Variants in TSPEAR observed in about 807,000 individuals in gnomAD.
TSPEAR encodes thrombospondin type laminin G domain and EAR repeats.
Under a neutral mutation model 71.6 loss-of-function variants are expected in TSPEAR, and 69 were observed. That is an observed-to-expected ratio of 0.96 (90% CI 0.79 to 1.18). The LOEUF (loss-of-function observed/expected upper bound fraction) is 1.18. TSPEAR is among the 50% of genes most tolerant of loss of function. The pLI is 0.00. For missense variants in TSPEAR, 971 were observed against 894.9 expected, an observed-to-expected ratio of 1.09 and a Z score of -1.09; for synonymous variants, 402 against 387.2, an observed-to-expected ratio of 1.04 and a Z score of -0.45.
chr21:44,502,219 A>G (rs1160794512), intron 11 of TSPEAR, among the ~76,000 whole-genome samples: 6 of 152,256 alleles, frequency 3.9e-5, no homozygotes, highest in African/African-American at 7.2e-5. Context: ...TCAAACGGCC[A>G]TGCTCAGATG....
At chr21:44,616,104 G>A (rs868947133) in intron 1 of TSPEAR, among the ~76,000 whole-genome samples, 5 of 152,058 alleles carry the variant, frequency 3.3e-5, no homozygotes, top group African/African-American at 1.2e-4. Context: ...GCGTGTCGGC[G>A]GGCACCTCCC....
At chr21:44,633,672 G>A (rs1203466619) in intron 1 of TSPEAR, among the ~76,000 whole-genome samples, 1 of 152,170 alleles carries the variant, frequency 6.6e-6, no homozygotes, top group Non-Finnish European at 1.5e-5. Context: ...GAACTGAGAA[G>A]AATTTGTATT....
intron 1 of TSPEAR, among the ~76,000 whole-genome samples, chr21:44,597,437 C>T (rs1298639886): frequency 0.025 from 2,998 of 119,032 alleles, 102 homozygotes; most frequent in African/African-American, 0.089. Flanking sequence ...TCTTTCTTTT[C>T]TTTTTTTTTT....
rs1982559327 is a variant in TSPEAR, at chr21:44,623,172, A to G, written c.83-55167T>C. ...CAGTCTCAAATATTTCTTTATAGCAATGCGAGACCAGCTTAACACAGTGAG... is the reference window on the plus strand; with the variant it reads ...CAGTCTCAAATATTTCTTTATAGCAGTGCGAGACCAGCTTAACACAGTGAG... On this transcript the variant is annotated intron_variant, in intron 1 of 11. Transcript: ENST00000323084. This position sits in a 1 kb window ranked among gnomAD's most constrained non-coding sequence, Gnocchi z 4.5. 1.3e-5 allele frequency among the ~76,000 whole-genome samples: 2 copies of G among 152,190 alleles called. No homozygotes were observed. The highest frequency in any genetic ancestry group is 1.3e-4 in the Admixed American group (2 of 15,286).
chr21:44,529,767 T>C (rs2052929095), intron 5 of TSPEAR, 31 bp downstream of exon 5: 1 of 1,612,552 alleles, frequency 6.2e-7, no homozygotes. Context: ...CATCTGCCTT[T>C]GGTGTGGGGG....
chr21:44,543,943 C>T (rs1487615073), intron 2 of TSPEAR, among the ~76,000 whole-genome samples: 2 of 152,174 alleles, frequency 1.3e-5, no homozygotes, highest in African/African-American at 4.8e-5. Flanking sequence ...AACAGTCAAT[C>T]CAAAAGCAGT....
At chr21:44,677,599 T>C in intron 1 of TSPEAR, 1 of 1,061,710 alleles carries the variant, frequency 9.4e-7, no homozygotes, top group Non-Finnish European at 1.4e-6. Context: ...CCTTCATCAA[T>C]TGCAGGGTGA....
At chr21:44,539,356 C>CG in intron 2 of TSPEAR, 2 of 1,612,552 alleles carry the variant, frequency 1.2e-6, no homozygotes, top group Non-Finnish European at 1.7e-6. Flanking sequence ...CGCAGGAGGC[C>CG]GGGCGGCAGC....
At position 44,538,760 on chromosome 21, in the gene TSPEAR, G is replaced by C. The variant is rs1443977423; in HGVS notation, c.304-4837C>G. Among the ~76,000 whole-genome samples the C allele has an allele frequency of 7.2e-5, 11 of 152,280 alleles. No homozygotes were observed. In the East Asian group the frequency reaches 2.1e-3, roughly 29 times the overall value. On this transcript the variant is annotated intron_variant, in intron 2 of 11. Transcript: ENST00000323084. ...GCCCCACAGCCCAGGGCATGACAGCGAATGACCAGGCTCAGGAAGACCCGG... is the reference window on the plus strand; with the variant it reads ...GCCCCACAGCCCAGGGCATGACAGCCAATGACCAGGCTCAGGAAGACCCGG...
intron 9 of TSPEAR, chr21:44,518,369 G>A (rs1176421804): frequency 2.3e-6 from 1 of 444,262 alleles, no homozygotes; most frequent in African/African-American, 2.1e-5. Flanking sequence ...TGAGCACCTT[G>A]GTGCAGTGTC....
chr21:44,553,679 A>T (rs948287743), intron 2 of TSPEAR, among the ~76,000 whole-genome samples: 1 of 152,040 alleles, frequency 6.6e-6, no homozygotes, highest in Non-Finnish European at 1.5e-5. Context: ...AGGTGTGTGT[A>T]TTTGGAGTAG....
At chr21:44,547,694 G>T (rs147597994) in intron 2 of TSPEAR, among the ~76,000 whole-genome samples, 2 of 152,344 alleles carry the variant, frequency 1.3e-5, no homozygotes, top group African/African-American at 4.8e-5. Flanking sequence ...TTTCTTCAGG[G>T]TTTGTAGCTG....
At chr21:44,521,364 C>T (rs1204514204) in intron 9 of TSPEAR, among the ~76,000 whole-genome samples, 2 of 152,218 alleles carry the variant, frequency 1.3e-5, no homozygotes, top group Non-Finnish European at 2.9e-5. Flanking sequence ...GTTGCTGCCT[C>T]AACTCAAAGG....
intron 5 of TSPEAR, 51 bp from the exon 6 acceptor site, chr21:44,528,634 G>A: frequency 3.7e-6 from 6 of 1,602,384 alleles, no homozygotes; most frequent in Non-Finnish European, 5.1e-6. Flanking sequence ...TGCCCCCAAA[G>A]GAAGACGACA....
chr21:44,595,703 G>C (rs1332439091), intron 1 of TSPEAR, among the ~76,000 whole-genome samples: 2 of 152,210 alleles, frequency 1.3e-5, no homozygotes, highest in Non-Finnish European at 1.5e-5. Context: ...CCATATGCGA[G>C]CTGAGACAGG....
chr21:44,681,303 C>T (rs545900801), intron 1 of TSPEAR, among the ~76,000 whole-genome samples: 19 of 152,338 alleles, frequency 1.2e-4, no homozygotes, highest in East Asian at 1.2e-3. Flanking sequence ...GCAGGGCTTG[C>T]TGGCCTGGAG....
At chr21:44,626,425 C>A (rs1006417872) in intron 1 of TSPEAR, among the ~76,000 whole-genome samples, 1 of 152,204 alleles carries the variant, frequency 6.6e-6, no homozygotes, top group African/African-American at 2.4e-5. Context: ...GGAGATGGCT[C>A]CAGCAGTGGC....
At chr21:44,665,576 T>A (rs1555944478) in intron 1 of TSPEAR, among the ~76,000 whole-genome samples, 2 of 152,170 alleles carry the variant, frequency 1.3e-5, no homozygotes, top group Non-Finnish European at 2.9e-5. Context: ...GAGATATGAC[T>A]CAACTCTATT....
intron 1 of TSPEAR, among the ~76,000 whole-genome samples, chr21:44,592,870 A>T (rs1442088299): frequency 1.3e-5 from 2 of 151,886 alleles, no homozygotes; most frequent in African/African-American, 4.8e-5. Context: ...AAAACCCCTC[A>T]TCCAGCGTGG....
Sources: allele counts gnomAD v4.1 joint callset (sites outside exome capture counted in the v4.1 genomes callset), GRCh38; gene constraint gnomAD v4.1.1; non-coding constraint Gnocchi (gnomAD v3.1); transcripts MANE v1.5; gene names NCBI Gene and HGNC (gene_info 2026-07-23, HGNC 2026-07-21).